EDEM3: variants seen among roughly 807,000 people sequenced by gnomAD.
The protein encoded by EDEM3 is ER degradation enhancing alpha-mannosidase like protein 3.
A neutral mutation model predicts 110.2 loss-of-function variants in EDEM3; 60 were observed. The ratio of observed to expected loss-of-function variants is 0.54; its 90% confidence interval spans 0.44 to 0.67. The LOEUF (loss-of-function observed/expected upper bound fraction) is 0.67, where lower values mean the gene tolerates loss of function less well. Ranked by LOEUF, EDEM3 falls within the 30% of genes least tolerant of loss-of-function variation. EDEM3 has a pLI of 0.00. For synonymous variants in EDEM3, 352 were observed against 382.9 expected (o/e 0.92, Z 0.94); for missense variants, 996 against 1,121.0 (o/e 0.89, Z 1.59).
At chr1:184,704,649 C>CAAAA (rs58913815) in intron 18 of EDEM3, among the ~76,000 whole-genome samples, 1,145 of 29,850 alleles carry the variant, frequency 0.038, 169 homozygotes, top group African/African-American at 0.07. Flanking sequence ...GACTCTGTCT[C>CAAAA]AAAAAAAAAA....
At chr1:184,737,553 A>T in intron 3 of EDEM3, 58 bp downstream of exon 3, 1 of 1,521,780 alleles carries the variant, frequency 6.6e-7, no homozygotes, top group Non-Finnish European at 9.1e-7. Flanking sequence ...AACTGTCTGT[A>T]AAAGTCTAAG....
chr1:184,695,346 C>T (rs377220313), intron 19 of EDEM3, among the ~76,000 whole-genome samples: 1 of 151,742 alleles, frequency 6.6e-6, no homozygotes, highest in Non-Finnish European at 1.5e-5. Flanking sequence ...TCTTATAGTC[C>T]AACGGGAGAA....
At chr1:184,738,727 C>A (rs1381422834) in intron 2 of EDEM3, among the ~76,000 whole-genome samples, 1 of 152,104 alleles carries the variant, frequency 6.6e-6, no homozygotes, top group Admixed American at 6.6e-5. Flanking sequence ...GGATAAACAT[C>A]TTTTTGTATT....
At chr1:184,754,238 G>A (rs1202290302) in intron 1 of EDEM3, among the ~76,000 whole-genome samples, 1 of 152,132 alleles carries the variant, frequency 6.6e-6, no homozygotes, top group Non-Finnish European at 1.5e-5. Flanking sequence ...TTGACACACC[G>A]CGCCTGGCTT....
At chr1:184,748,395 T>TGG (rs1652558033) in intron 2 of EDEM3, among the ~76,000 whole-genome samples, 4 of 150,916 alleles carry the variant, frequency 2.7e-5, no homozygotes, top group African/African-American at 9.8e-5. Context: ...TGCAGTGAGC[T>TGG]GAGATAGTGC....
chr1:184,749,703 C>G, intron 1 of EDEM3, 111 bp from the exon 2 acceptor site: 1 of 891,500 alleles, frequency 1.1e-6, no homozygotes, highest in Non-Finnish European at 1.6e-6. Flanking sequence ...CCAATAAAAA[C>G]AAAAGAAAAA....
In EDEM3 at chr1:184,714,536, G is replaced by C. The variant is rs557400368; in HGVS notation, c.1371-1938C>G. 3.3e-4 allele frequency among the ~76,000 whole-genome samples: 50 copies of C among 152,224 alleles called. 1 individual carries two copies. The East Asian group carries it at 8.9e-3, about 27-fold the overall frequency. On this transcript the variant is annotated intron_variant, in intron 13 of 19. Coordinates refer to ENST00000318130, the MANE Select transcript of EDEM3 (RefSeq NM_025191.4). ...ACCTGGAGGACAGTGATAGTGCTTA[G>C]ATCTATAGGGTAATAAACCACCACA... is the stretch of plus-strand genomic sequence containing the variant.
At chr1:184,744,903 T>A (rs1652345839) in intron 2 of EDEM3, among the ~76,000 whole-genome samples, 2 of 152,018 alleles carry the variant, frequency 1.3e-5, no homozygotes, top group Non-Finnish European at 2.9e-5. Context: ...ATGCCATATA[T>A]ATGAAATCCT....
At position 184,708,867 on chromosome 1, in the gene EDEM3, A is replaced by G. The variant is rs1281631438; in HGVS notation, c.1846-523T>C. Among the ~76,000 whole-genome samples the G allele has an allele frequency of 3.3e-5, 5 of 152,342 alleles. No homozygotes were observed. The East Asian group carries it at 9.6e-4, about 29-fold the overall frequency. ...GCTATGATAAAATTTCTCAAGTGGG[A>G]AAGTGGAAAAGGAGCACAGATGAGG... On this transcript the variant is annotated intron_variant, in intron 16 of 19. Coordinates refer to ENST00000318130, the MANE Select transcript of EDEM3 (RefSeq NM_025191.4).
chr1:184,746,151 A>G (rs1200857410), intron 2 of EDEM3, among the ~76,000 whole-genome samples: 2 of 152,232 alleles, frequency 1.3e-5, no homozygotes, highest in Non-Finnish European at 2.9e-5. Context: ...GTCGTTATTA[A>G]TAGTCATGCC....
rs151301477 is a variant in EDEM3, at chr1:184,724,634, C to T, written c.748-778G>A. Among the ~76,000 whole-genome samples, 205 of 152,184 alleles carry T rather than the reference C, an allele frequency of 1.3e-3. 3 individuals carry two copies. In the East Asian group the frequency reaches 0.035, roughly 26 times the overall value. ...TCTATAAAAGAAAAAGTCATTAAAC[C>T]CATTTGTCACTTGGCAGATTACAGA... On this transcript the variant is annotated intron_variant, in intron 7 of 19. Coordinates refer to ENST00000318130, the MANE Select transcript of EDEM3 (RefSeq NM_025191.4).
Sources: allele counts gnomAD v4.1 joint callset (sites outside exome capture counted in the v4.1 genomes callset), GRCh38; gene constraint gnomAD v4.1.1; transcripts MANE v1.5; gene names NCBI Gene and HGNC (gene_info 2026-07-23, HGNC 2026-07-21).